Variants in NTRK3 observed in about 807,000 individuals in gnomAD.
NTRK3 encodes NT-3 growth factor receptor.
NTRK3 carries 24 observed loss-of-function variants against 91.7 expected under a neutral mutation model. The observed-to-expected ratio is 0.26, with a 90% CI of 0.19 to 0.37. NTRK3 has a LOEUF of 0.37. Ranked by LOEUF, NTRK3 falls within the 10% of genes least tolerant of loss-of-function variation. NTRK3 has a pLI of 1.00. For synonymous variants in NTRK3, 483 were observed against 404.0 expected, an observed-to-expected ratio of 1.20 and a Z score of -2.34; for missense variants, 880 against 1,068.9, an observed-to-expected ratio of 0.82 and a Z score of 2.46.
At chr15:88,228,182 T>A (rs973302728) in intron 3 of NTRK3, among the ~76,000 whole-genome samples, 2 of 152,164 alleles carry the variant, frequency 1.3e-5, no homozygotes, top group African/African-American at 4.8e-5. Context: ...CCCTCTCTCC[T>A]GGGCTCCCCA....
chr15:88,136,173 C>G (rs932111300), intron 8 of NTRK3, 133 bp from the exon 9 acceptor site: 1 of 1,187,476 alleles, frequency 8.4e-7, no homozygotes, highest in Non-Finnish European at 1.2e-6. Flanking sequence ...TGTGAAAGCA[C>G]ACTGGCCAAA....
exon 19 of NTRK3, chr15:87,865,916 C>G (rs2064661816): frequency 4.3e-6 from 1 of 230,658 alleles, no homozygotes; most frequent in African/African-American, 2.2e-5. Context: ...AAAACAGACA[C>G]CAGCAAAAAT....
intron 14 of NTRK3, among the ~76,000 whole-genome samples, chr15:87,942,790 C>T (rs1596336931): frequency 6.6e-6 from 1 of 152,148 alleles, no homozygotes; most frequent in Non-Finnish European, 1.5e-5. Context: ...TTACCTATTA[C>T]CTGAGCATGG....
intron 14 of NTRK3, among the ~76,000 whole-genome samples, chr15:87,980,359 A>ATG (rs60274795): frequency 3.8e-4 from 58 of 151,344 alleles, no homozygotes; most frequent in Middle Eastern, 6.9e-3. Flanking sequence ...GCATGTGTAC[A>ATG]TGTGTTTCCA....
At chr15:88,053,201 C>G (rs547135703) in intron 13 of NTRK3, among the ~76,000 whole-genome samples, 2 of 152,072 alleles carry the variant, frequency 1.3e-5, no homozygotes, top group Non-Finnish European at 2.9e-5. Context: ...GTACTGGCAG[C>G]CACAAAGGAA....
intron 10 of NTRK3, among the ~76,000 whole-genome samples, chr15:88,130,484 G>A (rs1567481502): frequency 6.6e-6 from 1 of 152,114 alleles, no homozygotes; most frequent in Non-Finnish European, 1.5e-5. Context: ...AAAATCATCT[G>A]TTTGCAGCAG....
chr15:87,871,146 A>T (rs118067737), exon 19 of NTRK3: 3,511 of 231,256 alleles, frequency 0.015, 35 homozygotes, highest in Non-Finnish European at 0.023. Flanking sequence ...CCCCCACCCC[A>T]ATCCAACCTC....
At chr15:87,963,093 G>T (rs932197777) in intron 14 of NTRK3, among the ~76,000 whole-genome samples, 1 of 152,162 alleles carries the variant, frequency 6.6e-6, no homozygotes, top group Non-Finnish European at 1.5e-5. Context: ...GCTTTCCACA[G>T]TCAGCTCTCT....
At chr15:88,159,929 C>T (rs1443223888) in intron 5 of NTRK3, among the ~76,000 whole-genome samples, 11 of 146,586 alleles carry the variant, frequency 7.5e-5, no homozygotes, top group African/African-American at 2.5e-4. Context: ...GCCTCCCCAC[C>T]CCACCCAGCC....
At chr15:87,924,711 G>T (rs1358876105) in intron 17 of NTRK3, among the ~76,000 whole-genome samples, 1 of 152,092 alleles carries the variant, frequency 6.6e-6, no homozygotes, top group East Asian at 1.9e-4. Flanking sequence ...ATCTGTCTAG[G>T]TTTCTCTTGG....
intron 13 of NTRK3, among the ~76,000 whole-genome samples, chr15:88,110,461 C>G (rs1436764947): frequency 6.6e-6 from 1 of 152,180 alleles, no homozygotes; most frequent in Non-Finnish European, 1.5e-5. Flanking sequence ...TATATCTTCA[C>G]CACAGTAGTA....
intron 13 of NTRK3, among the ~76,000 whole-genome samples, chr15:88,118,993 GC>G (rs1421471394): frequency 6.6e-6 from 1 of 152,208 alleles, no homozygotes; most frequent in Non-Finnish European, 1.5e-5. Context: ...AGAAGAGCCA[GC>G]TAGCAGGTAG....
chr15:87,868,217 A>T (rs1345112710), exon 19 of NTRK3: 1 of 230,152 alleles, frequency 4.3e-6, no homozygotes, highest in East Asian at 6.2e-5. Flanking sequence ...ATAAATAATT[A>T]AAAACGTGAA....
chr15:88,060,800 C>T (rs556683728), intron 13 of NTRK3, among the ~76,000 whole-genome samples: 3 of 152,256 alleles, frequency 2.0e-5, no homozygotes, highest in Middle Eastern at 3.4e-3. Flanking sequence ...AAGAAGGAGG[C>T]ATAATCCAAG....
At position 88,125,801 on chromosome 15, in the gene NTRK3, T is replaced by C. The variant is rs149558597; in HGVS notation, c.1396+470A>G. 6.4e-3 allele frequency among the ~76,000 whole-genome samples: 972 copies of C among 152,148 alleles called. 12 individuals are homozygous for C. Among genetic ancestry groups the C allele is most frequent in the African/African-American group, 0.02 (838 of 41,480 alleles). On this transcript the variant is annotated intron_variant, in intron 13 of 18. Transcript: ENST00000394480. ...CTCTGGGACTCTGTGTAGAGCTACG[T>C]GCTGAGATCCCATTGCATGGGCAGC...
intron 14 of NTRK3, chr15:87,979,512 A>G: frequency 7.9e-7 from 1 of 1,271,782 alleles, no homozygotes; most frequent in Non-Finnish European, 1.1e-6. Flanking sequence ...AAATAAAGTA[A>G]AAACCAAAAC....
At chr15:88,215,456 G>C (rs926489735) in intron 3 of NTRK3, among the ~76,000 whole-genome samples, 11 of 152,200 alleles carry the variant, frequency 7.2e-5, no homozygotes, top group African/African-American at 2.4e-4. Flanking sequence ...GCTCCCCGTG[G>C]CTCCCCTGAA....
chr15:87,876,899 G>A (rs2141433952), exon 19 of NTRK3: 1 of 1,609,920 alleles, frequency 6.2e-7, no homozygotes, highest in South Asian at 1.1e-5. Flanking sequence ...GGAGAGAGGA[G>A]GCAACAGAGT....
chr15:87,883,706 T>A (rs933232469), intron 17 of NTRK3, among the ~76,000 whole-genome samples: 1 of 150,570 alleles, frequency 6.6e-6, no homozygotes, highest in Non-Finnish European at 1.5e-5. Context: ...AAAAAATAAA[T>A]ATGAAGTAAA....
Sources: allele counts gnomAD v4.1 joint callset (sites outside exome capture counted in the v4.1 genomes callset), GRCh38; gene constraint gnomAD v4.1.1; transcripts MANE v1.5; gene names NCBI Gene and HGNC (gene_info 2026-07-23, HGNC 2026-07-21).